CDYL2: variants seen among roughly 807,000 people sequenced by gnomAD.
CDYL2 encodes the protein chromodomain Y like 2.
In CDYL2, 23 loss-of-function variants were observed where a neutral mutation model predicts 49.4. The ratio of observed to expected loss-of-function variants is 0.47; its 90% confidence interval spans 0.34 to 0.66. CDYL2 has a LOEUF of 0.66. Among genes scored for constraint, CDYL2 ranks in the 30% least tolerant of loss-of-function variants. The probability of loss-of-function intolerance (pLI) is 0.01; values close to 1 mark genes in which losing one functional copy is unlikely to be tolerated. For synonymous variants in CDYL2, 360 were observed against 268.8 expected (o/e 1.34, Z -3.32); for missense variants, 678 against 656.4 (o/e 1.03, Z -0.36).
At chr16:80,645,878 C>T (rs1421120389) in intron 2 of CDYL2, among the ~76,000 whole-genome samples, 1 of 150,964 alleles carries the variant, frequency 6.6e-6, no homozygotes, top group Admixed American at 6.6e-5. Flanking sequence ...AGCAAACTAT[C>T]TCAAGGACAG....
chr16:80,640,434 C>T (rs1213470456), intron 2 of CDYL2, among the ~76,000 whole-genome samples: 3 of 152,084 alleles, frequency 2.0e-5, no homozygotes, highest in South Asian at 2.1e-4. Context: ...ACAGGTACCA[C>T]GTTGAGGGCC....
At chr16:80,681,859 A>G (rs1165502028) in intron 2 of CDYL2, among the ~76,000 whole-genome samples, 1 of 152,178 alleles carries the variant, frequency 6.6e-6, no homozygotes, top group African/African-American at 2.4e-5. Flanking sequence ...GTCCATACCT[A>G]TCTCTTCATT....
intron 1 of CDYL2, among the ~76,000 whole-genome samples, chr16:80,685,796 G>C (rs145085635): frequency 3.9e-4 from 59 of 152,322 alleles, no homozygotes; most frequent in African/African-American, 1.3e-3. Context: ...GGTAAGGGCA[G>C]AACTGGGGTT....
intron 1 of CDYL2, among the ~76,000 whole-genome samples, chr16:80,739,747 C>T (rs532479850): frequency 2.0e-5 from 3 of 152,276 alleles, no homozygotes; most frequent in East Asian, 1.9e-4. Context: ...GTCATAGAAG[C>T]GCTGCTCTCA....
At chr16:80,672,453 C>T (rs757207058) in intron 2 of CDYL2, among the ~76,000 whole-genome samples, 1 of 142,940 alleles carries the variant, frequency 7.0e-6, no homozygotes, top group African/African-American at 2.6e-5. Flanking sequence ...TGTAAGAAAG[C>T]CATTTTAAAA....
At chr16:80,660,140 A>C (rs771857788) in intron 2 of CDYL2, among the ~76,000 whole-genome samples, 1 of 152,146 alleles carries the variant, frequency 6.6e-6, no homozygotes. Flanking sequence ...AGGTGTTCTA[A>C]CACCAAGAAA....
intron 1 of CDYL2, among the ~76,000 whole-genome samples, chr16:80,746,696 C>G (rs575386157): frequency 7.9e-4 from 121 of 152,244 alleles, no homozygotes; most frequent in Middle Eastern, 3.4e-3. Flanking sequence ...CCCCCTTTTG[C>G]AGGTGTGAGG....
At chr16:80,670,241 T>G (rs1245592028) in intron 2 of CDYL2, among the ~76,000 whole-genome samples, 2 of 152,076 alleles carry the variant, frequency 1.3e-5, no homozygotes, top group Non-Finnish European at 2.9e-5. Flanking sequence ...GTAGTTTTTA[T>G]AATCCCCACG....
In CDYL2 at chr16:80,689,104, A is replaced by G. The variant is rs531089784; in HGVS notation, c.25-3975T>C. On this transcript the variant is annotated intron_variant, in intron 1 of 6. Coordinates refer to ENST00000570137, the MANE Select transcript of CDYL2 (RefSeq NM_152342.4). ...TGAATGAATGAATGAATGACATTAG[A>G]AAATCCTGTGTACACACCCCCACCA... 5.3e-5 allele frequency among the ~76,000 whole-genome samples: 8 copies of G among 151,794 alleles called. No homozygotes were observed. In the East Asian group the frequency reaches 9.6e-4, roughly 18 times the overall value.
At chr16:80,708,493 C>A (rs1017223042) in intron 1 of CDYL2, among the ~76,000 whole-genome samples, 1 of 152,168 alleles carries the variant, frequency 6.6e-6, no homozygotes, top group African/African-American at 2.4e-5. Flanking sequence ...TAGAAATTAC[C>A]CAGTCTCGGG....
chr16:80,801,568 G>C (rs1036690276), intron 1 of CDYL2, among the ~76,000 whole-genome samples: 1 of 152,150 alleles, frequency 6.6e-6, no homozygotes, highest in African/African-American at 2.4e-5. Flanking sequence ...AAGAACTCTT[G>C]GCCCACTAAA....
chr16:80,734,188 T>C (rs1189361501), intron 1 of CDYL2, among the ~76,000 whole-genome samples: 1 of 152,202 alleles, frequency 6.6e-6, no homozygotes. Context: ...CGTATTTCAA[T>C]AGAGTTACCC....
intron 2 of CDYL2, among the ~76,000 whole-genome samples, chr16:80,670,588 G>C (rs552981246): frequency 3.1e-4 from 47 of 152,250 alleles, no homozygotes; most frequent in Non-Finnish European, 6.3e-4. Context: ...ACATGGAGAA[G>C]GGAGCGCTGG....
intron 1 of CDYL2, among the ~76,000 whole-genome samples, chr16:80,699,945 G>A (rs554352756): frequency 7.2e-4 from 109 of 150,612 alleles, no homozygotes; most frequent in African/African-American, 2.4e-3. Flanking sequence ...TCCGCTCACC[G>A]CAAGCCCCGC....
chr16:80,707,937 T>C (rs555672533), intron 1 of CDYL2, among the ~76,000 whole-genome samples: 1 of 152,278 alleles, frequency 6.6e-6, no homozygotes, highest in South Asian at 2.1e-4. Flanking sequence ...AGTAGGGTGT[T>C]GGGTTACTAA....
chr16:80,644,375 G>A (rs1375788400), intron 2 of CDYL2, among the ~76,000 whole-genome samples: 1 of 152,154 alleles, frequency 6.6e-6, no homozygotes, highest in Non-Finnish European at 1.5e-5. Context: ...CTTCTTCTGA[G>A]CCTTCCAAAC....
At chr16:80,776,087 T>A (rs1907073344) in intron 1 of CDYL2, among the ~76,000 whole-genome samples, 2 of 151,998 alleles carry the variant, frequency 1.3e-5, no homozygotes, top group Admixed American at 6.5e-5. Flanking sequence ...TACAGCAATT[T>A]AAAAACACCC....
intron 1 of CDYL2, among the ~76,000 whole-genome samples, chr16:80,796,900 G>T (rs1432569759): frequency 1.3e-5 from 2 of 152,140 alleles, no homozygotes; most frequent in Admixed American, 6.5e-5. Flanking sequence ...GCACCCCAAG[G>T]TTACCAATGA....
intron 4 of CDYL2, among the ~76,000 whole-genome samples, chr16:80,616,803 G>A (rs749476873): frequency 9.2e-5 from 14 of 152,328 alleles, no homozygotes; most frequent in South Asian, 6.2e-4. Flanking sequence ...GGAATAGCCC[G>A]AGTGTTTCAC....
Sources: allele counts gnomAD v4.1 joint callset (sites outside exome capture counted in the v4.1 genomes callset), GRCh38; gene constraint gnomAD v4.1.1; transcripts MANE v1.5; gene names NCBI Gene and HGNC (gene_info 2026-07-23, HGNC 2026-07-21).